Variants in STAC2 observed in about 807,000 individuals in gnomAD.
STAC2 encodes SH3 and cysteine-rich domain-containing protein 2.
Under a neutral mutation model 49.0 loss-of-function variants are expected in STAC2, and 36 were observed. The observed-to-expected ratio is 0.74, with a 90% confidence interval of 0.56 to 0.97. The LOEUF is 0.97. STAC2 is among the 50% of genes least tolerant of loss of function. The pLI is 0.00. For missense variants in STAC2, 527 were observed against 543.8 expected (o/e 0.97, Z 0.31); for synonymous variants, 239 against 214.7 (o/e 1.11, Z -0.99).
At position 39,214,374 on chromosome 17, in the gene STAC2, C is replaced by T. The variant is rs768704930; in HGVS notation, c.844-44G>A. 7 of 1,611,104 alleles carry T rather than the reference C, an allele frequency of 4.3e-6. No individual in the cohort carries two copies. The East Asian group carries it at 1.1e-4, about 26-fold the overall frequency. On this transcript the variant is annotated intron_variant, in intron 7 of 10. Coordinates refer to ENST00000333461, the MANE Select transcript of STAC2 (RefSeq NM_198993.5). ...GTCGGTGACCGGAAAGCAGCACCCTCACTCCCCCCACTCTCCACTCGCTCT... is the reference window on the plus strand; with the variant it reads ...GTCGGTGACCGGAAAGCAGCACCCTTACTCCCCCCACTCTCCACTCGCTCT...
At position 39,225,376 on chromosome 17, in the gene STAC2, C is replaced by T; in HGVS notation, c.90+37G>A. The T allele has an allele frequency of 1.3e-6, 2 of 1,559,022 alleles. No homozygotes were observed. Among genetic ancestry groups the T allele is most frequent in the Non-Finnish European group, 1.7e-6 (2 of 1,157,100 alleles). The stretch of plus-strand genomic sequence containing the variant: ...CCCCGCCGGGAAGAGGGCGCCCGGG[C>T]CCGGGGCGCGGACAGGCCTTGCGCC... On this transcript the variant is annotated intron_variant, in intron 1 of 10. Transcript: ENST00000333461. The surrounding 1 kb of genome is among the most constrained non-coding windows in gnomAD (Gnocchi z 8.2).
At chr17:39,213,658 TG>T in intron 8 of STAC2, 100 bp from the exon 9 acceptor site, 1 of 846,202 alleles carries the variant, frequency 1.2e-6, no homozygotes, top group Non-Finnish European at 1.9e-6. Flanking sequence ...AGTCCTCAGC[TG>T]GGAGAGACGA....
chr17:39,221,972 C>T (rs1407097270), intron 1 of STAC2, among the ~76,000 whole-genome samples: 2 of 152,214 alleles, frequency 1.3e-5, no homozygotes, highest in African/African-American at 2.4e-5. Flanking sequence ...AGCAAGCAGT[C>T]TCTTGGGACA....
chr17:39,223,237 C>T (rs943766028), intron 1 of STAC2, among the ~76,000 whole-genome samples: 1 of 152,214 alleles, frequency 6.6e-6, no homozygotes, highest in Non-Finnish European at 1.5e-5. Flanking sequence ...TCTTCCATCT[C>T]CACCCACAGT....
At chr17:39,218,833 T>C (rs968234232) in intron 1 of STAC2, among the ~76,000 whole-genome samples, 19 of 152,040 alleles carry the variant, frequency 1.2e-4, no homozygotes, top group African/African-American at 4.1e-4. Context: ...GGGAATCGCT[T>C]GAGCCAAGCA....
Position 39,225,773 on chromosome 17 carries a change from G to A in STAC2, c.-271C>T. 4.2e-6 allele frequency: 2 copies of A among 481,296 alleles called. No homozygotes were observed. The highest frequency in any genetic ancestry group is 3.8e-5 in the Admixed American group (1 of 26,354). 29.8% of individuals were successfully genotyped at this position (481,296 alleles called of 1,614,324 possible). On this transcript the variant is annotated 5_prime_UTR_variant, in exon 1 of 11. Transcript: ENST00000333461. This position sits in a 1 kb window ranked among gnomAD's most constrained non-coding sequence, Gnocchi z 8.2. ...CTGCAGAGGATGCTGCTCGCAGCGCGGGGAGGAGGGAAGTGGGGCCGCGGG... is the reference window on the plus strand; with the variant it reads ...CTGCAGAGGATGCTGCTCGCAGCGCAGGGAGGAGGGAAGTGGGGCCGCGGG...
rs1424295299 is a variant in STAC2 at position 39,215,007 on chromosome 17, A to C, written c.716T>G (p.Leu239Arg). Reference protein sequence around the residue: ...PTRSLSERDELTEDGEGSIRS... With the variant: ...PTRSLSERDERTEDGEGSIRS... ...GATGCTGCCTTCCCCATCCTCGGTC[A>C]GCTCATCCCGCTCACTCTAGGGACA... Residue 239 changes from leucine (L) to arginine (R), a missense_variant, in exon 6 of 11, where the codon CTG (leucine) becomes CGG (arginine). Coordinates refer to ENST00000333461, the MANE Select transcript of STAC2 (RefSeq NM_198993.5). The C allele has an allele frequency of 6.2e-7, 1 of 1,613,902 alleles. No individual in the cohort carries two copies. The highest frequency in any genetic ancestry group is 1.3e-5 in the African/African-American group (1 of 74,860).
intron 7 of STAC2, 48 bp from the exon 8 acceptor site, chr17:39,214,378 C>A (rs935171168): frequency 8.1e-6 from 13 of 1,609,894 alleles, no homozygotes; most frequent in African/African-American, 4.0e-5. Flanking sequence ...CACCCTCACT[C>A]CCCCCACTCT....
At chr17:39,224,862 C>G (rs926230020) in intron 1 of STAC2, among the ~76,000 whole-genome samples, 1 of 152,134 alleles carries the variant, frequency 6.6e-6, no homozygotes, top group African/African-American at 2.4e-5. Flanking sequence ...CCGAGCCCAA[C>G]AGGGCTAGGA....
chr17:39,216,992 G>A, intron 3 of STAC2, 84 bp downstream of exon 3: 3 of 1,595,332 alleles, frequency 1.9e-6, no homozygotes, highest in South Asian at 2.2e-5. Context: ...CCACAGGAAG[G>A]AGCAGCCCTG....
intron 1 of STAC2, among the ~76,000 whole-genome samples, chr17:39,221,925 A>G (rs1045839751): frequency 7.9e-5 from 12 of 152,162 alleles, no homozygotes; most frequent in Non-Finnish European, 7.4e-5. Context: ...GCCTGGCCAC[A>G]TCCCGTCTCA....
rs1355122330 is a variant in STAC2, at chr17:39,218,075, G to A, written c.189C>T (p.Pro63=). 6.2e-7 allele frequency: 1 copy of A among 1,612,388 alleles called. No individual in the cohort carries two copies. The highest frequency in any genetic ancestry group is 1.7e-5 in the Admixed American group (1 of 60,010). ...FLRSGSELKC[P]TEVLLTPPTP... is the part of the protein sequence containing the mutation. The stretch of plus-strand genomic sequence containing the variant: ...TTGGGGGCGTCAGCAGCACCTCGGT[G>A]GGGCACTTGAGCTCAGAGCCCGAGC... Residue 63 remains proline (P), a synonymous_variant, in exon 2 of 11, where the codon CCC becomes CCT. Coordinates refer to ENST00000333461, the MANE Select transcript of STAC2 (RefSeq NM_198993.5).
At chr17:39,221,240 C>T (rs745400521) in intron 1 of STAC2, among the ~76,000 whole-genome samples, 3 of 152,172 alleles carry the variant, frequency 2.0e-5, no homozygotes, top group South Asian at 2.1e-4. Flanking sequence ...GGATTACAGG[C>T]GCCTGTCACC....
Position 39,212,992 on chromosome 17 carries a change from C to T in STAC2, c.1131+3G>A. 1 of 1,613,752 alleles carries T rather than the reference C, an allele frequency of 6.2e-7. No individual in the cohort carries two copies. The highest frequency in any genetic ancestry group is 1.7e-4 in the Middle Eastern group (1 of 6,060). On this transcript the variant is annotated splice_donor_region_variant and intron_variant, in intron 10 of 10. Transcript: ENST00000333461. ...GGGCCTGGGCTGGGCCTCAGGCACT[C>T]ACCTGGTTCTCCTTGAGGCTCATGT... is the stretch of plus-strand genomic sequence containing the variant.
chr17:39,217,181 G>T lies in STAC2; in HGVS notation c.398-8C>A, dbSNP rs1277268035. 1 of 1,612,224 alleles carries T rather than the reference G, an allele frequency of 6.2e-7. No homozygotes were observed. Among genetic ancestry groups the T allele is most frequent in the Middle Eastern group, 1.7e-4 (1 of 6,054 alleles). ...AGCCCTGTTTGGAGTTTCCTAGGAA[G>T]AATTTGGGTTCAGCAATTGAGGACA... On this transcript the variant is annotated splice_polypyrimidine_tract_variant and splice_region_variant and intron_variant, in intron 2 of 10. Transcript: ENST00000333461.
At position 39,218,312 on chromosome 17, in the gene STAC2, T is replaced by C. The variant is rs902490597; in HGVS notation, c.91-139A>G. The C allele has an allele frequency of 1.1e-4, 93 of 855,754 alleles. No homozygotes were observed. In the African/African-American group the frequency reaches 1.4e-3, roughly 13 times the overall value. The allele number at this position is 855,754 out of a possible 1,614,324, so 53.0% of individuals were successfully genotyped here. On this transcript the variant is annotated intron_variant, in intron 1 of 10. Transcript: ENST00000333461. ...GTGGGGGCTGAGGGCCAGAGCGAAA[T>C]GAAACAGCAACAGAGAGGCTCCCCA...
At position 39,217,109 on chromosome 17, in the gene STAC2, C is replaced by T. The variant is rs752898273; in HGVS notation, c.462G>A (p.Glu154=). 4.4e-5 allele frequency: 71 copies of T among 1,613,970 alleles called. No individual in the cohort carries two copies. The Middle Eastern group carries it at 9.9e-4, about 22-fold the overall frequency. The stretch of plus-strand genomic sequence containing the variant: ...CTGGGCATTGCTGGTGGGAGATCTC[C>T]TCAGAGCACCAGAGGTGGACGCTGA... ...CKVSVHLWCS[E]EISHQQCPGK... Residue 154 remains glutamate, a synonymous_variant, in exon 3 of 11, where the codon GAG becomes GAA. Coordinates refer to ENST00000333461, the MANE Select transcript of STAC2 (RefSeq NM_198993.5).
Position 39,213,537 on chromosome 17 carries a change from C to A in STAC2, c.963G>T (p.Leu321=). Residue 321 remains leucine, a synonymous_variant, in exon 9 of 11, where the codon CTG becomes CTT. Transcript: ENST00000333461. ...ACCAGTCCTCGTTAGAGTCATCCAC[C>A]AGCATGATCCGATCTCCAGGCCTGG... ...LALQPGDRIM[L]VDDSNEDWWK... 6.2e-7 allele frequency: 1 copy of A among 1,613,886 alleles called. No individual in the cohort carries two copies. The highest frequency in any genetic ancestry group is 8.5e-7 in the Non-Finnish European group (1 of 1,179,862).
intron 10 of STAC2, 69 bp downstream of exon 10, chr17:39,212,926 C>A: frequency 6.3e-7 from 1 of 1,587,990 alleles, no homozygotes; most frequent in South Asian, 1.1e-5. Flanking sequence ...TACCCCCGCA[C>A]CGCAGCCTGT....
Sources: allele counts gnomAD v4.1 joint callset (sites outside exome capture counted in the v4.1 genomes callset), GRCh38; gene constraint gnomAD v4.1.1; non-coding constraint Gnocchi (gnomAD v3.1); transcripts MANE v1.5; gene names NCBI Gene and HGNC (gene_info 2026-07-23, HGNC 2026-07-21).